PCSK5: variants seen among roughly 807,000 people sequenced by gnomAD.
PCSK5 encodes proprotein convertase subtilisin/kexin type 5.
PCSK5 carries 129 observed loss-of-function variants against 233.2 expected under a neutral mutation model. That is an observed-to-expected ratio of 0.55 (90% CI 0.48 to 0.64). The LOEUF (loss-of-function observed/expected upper bound fraction) is 0.64. Ranked by LOEUF, PCSK5 falls within the 30% of genes least tolerant of loss-of-function variation. PCSK5 has a pLI of 0.00. For missense variants in PCSK5, 2,076 were observed against 2,430.1 expected (o/e 0.85, Z 3.06); for synonymous variants, 825 against 879.2 (o/e 0.94, Z 1.09).
intron 24 of PCSK5, among the ~76,000 whole-genome samples, chr9:76,289,219 A>G (rs1021393054): frequency 1.3e-5 from 2 of 152,080 alleles, no homozygotes; most frequent in African/African-American, 2.4e-5. Flanking sequence ...ATCTGCTCGC[A>G]TGTTCTCCTT....
intron 20 of PCSK5, among the ~76,000 whole-genome samples, chr9:76,224,258 G>A (rs1050321618): frequency 6.6e-6 from 1 of 152,246 alleles, no homozygotes; most frequent in Non-Finnish European, 1.5e-5. Flanking sequence ...GTGAGGAAGA[G>A]ATTAAACACA....
At chr9:75,915,211 G>T (rs902253123) in intron 1 of PCSK5, among the ~76,000 whole-genome samples, 1 of 152,204 alleles carries the variant, frequency 6.6e-6, no homozygotes, top group African/African-American at 2.4e-5. Flanking sequence ...CTCAGGGCTG[G>T]CAAGCTAACC....
In PCSK5 at chr9:76,239,181, GGCCCTT is replaced by G; in HGVS notation, c.3073+21_3073+26del. The G allele has an allele frequency of 6.4e-7, 1 of 1,557,282 alleles. No homozygotes were observed. The highest frequency in any genetic ancestry group is 8.7e-7 in the Non-Finnish European group (1 of 1,150,148). On this transcript the variant is annotated intron_variant, in intron 23 of 37. Transcript: ENST00000674117. The stretch of plus-strand genomic sequence containing the variant: ...TGTGGACAAGGTAAGCCTGCTCCTG[GGCCCTT>G]GCCCAGCACCCGAACATGGGAGGAG...
intron 9 of PCSK5, among the ~76,000 whole-genome samples, chr9:76,132,649 CA>C (rs1822805583): frequency 6.6e-6 from 1 of 152,050 alleles, no homozygotes; most frequent in African/African-American, 2.4e-5. Flanking sequence ...CAAATTTTAG[CA>C]AAATGCTTTG....
intron 20 of PCSK5, among the ~76,000 whole-genome samples, chr9:76,216,246 A>C (rs1825527271): frequency 6.6e-6 from 1 of 152,176 alleles, no homozygotes. Context: ...TCTACAGCAT[A>C]GATGGGGTAG....
intron 21 of PCSK5, among the ~76,000 whole-genome samples, chr9:76,229,204 T>C (rs1825996541): frequency 6.6e-6 from 1 of 152,224 alleles, no homozygotes; most frequent in Non-Finnish European, 1.5e-5. Flanking sequence ...AAGATACAGA[T>C]AGCATTCTCA....
In PCSK5 at chr9:76,233,599, G is replaced by A. The variant is rs372870711; in HGVS notation, c.2866+3G>A. 17 of 1,608,190 alleles carry A rather than the reference G, an allele frequency of 1.1e-5. No individual in the cohort carries two copies. In the African/African-American group the frequency reaches 2.0e-4, roughly 19 times the overall value. ...CCACTGCACCTCCTGTGGAGCAGGTGAGAGACTGCTGCTCCTCCGTCTTCT... is the reference window on the plus strand; with the variant it reads ...CCACTGCACCTCCTGTGGAGCAGGTAAGAGACTGCTGCTCCTCCGTCTTCT... On this transcript the variant is annotated splice_donor_region_variant and intron_variant, in intron 22 of 37. Transcript: ENST00000674117.
At chr9:76,248,182 G>T (rs141488332) in intron 24 of PCSK5, among the ~76,000 whole-genome samples, 17 of 152,040 alleles carry the variant, frequency 1.1e-4, no homozygotes, top group African/African-American at 4.1e-4. Flanking sequence ...CTCCCATTTC[G>T]GCCTCACAAA....
intron 22 of PCSK5, among the ~76,000 whole-genome samples, chr9:76,238,638 T>C (rs1198963569): frequency 6.6e-6 from 1 of 152,242 alleles, no homozygotes; most frequent in African/African-American, 2.4e-5. Context: ...TTGGGAAAGT[T>C]AAACACATTT....
At chr9:76,228,746 A>G (rs1444726652) in intron 21 of PCSK5, among the ~76,000 whole-genome samples, 1 of 152,332 alleles carries the variant, frequency 6.6e-6, no homozygotes, top group Non-Finnish European at 1.5e-5. Context: ...TCTTGCAGGC[A>G]AGGGTGATGA....
intron 9 of PCSK5, among the ~76,000 whole-genome samples, chr9:76,118,059 G>A (rs949885271): frequency 6.6e-6 from 1 of 152,028 alleles, no homozygotes; most frequent in African/African-American, 2.4e-5. Context: ...ACATCTGATA[G>A]CCTCATTTTC....
intron 19 of PCSK5, 81 bp downstream of exon 19, chr9:76,189,304 T>A: frequency 9.7e-7 from 1 of 1,029,834 alleles, no homozygotes; most frequent in Non-Finnish European, 1.4e-6. Flanking sequence ...ATAAGAAAAC[T>A]TAGAATTTGT....
intron 24 of PCSK5, among the ~76,000 whole-genome samples, chr9:76,268,754 A>C (rs1228772348): frequency 6.6e-6 from 1 of 152,090 alleles, no homozygotes; most frequent in Non-Finnish European, 1.5e-5. Context: ...CTGAGGAGGG[A>C]GGATCACTTG....
intron 3 of PCSK5, among the ~76,000 whole-genome samples, chr9:75,997,287 G>A (rs1031738226): frequency 2.6e-5 from 4 of 152,126 alleles, no homozygotes; most frequent in Non-Finnish European, 5.9e-5. Flanking sequence ...TCTTAATTTT[G>A]GTTAGCAGTG....
intron 24 of PCSK5, chr9:76,288,011 T>C (rs969336939): frequency 6.6e-6 from 1 of 152,266 alleles, no homozygotes; most frequent in Non-Finnish European, 1.5e-5. Context: ...ACATGTCTGA[T>C]ACAGAATGGA....
intron 5 of PCSK5, among the ~76,000 whole-genome samples, chr9:76,040,389 C>G (rs1587537425): frequency 5.0e-5 from 6 of 120,370 alleles, no homozygotes; most frequent in Admixed American, 8.2e-5. Flanking sequence ...CTCTCTGTCT[C>G]TCTCTCTCTC....
chr9:76,017,378 C>T (rs979131838), intron 3 of PCSK5, among the ~76,000 whole-genome samples: 5 of 152,038 alleles, frequency 3.3e-5, no homozygotes, highest in Non-Finnish European at 7.4e-5. Flanking sequence ...ATTTTCTTCC[C>T]TAAATTATAA....
At chr9:76,046,961 A>G (rs1262304255) in intron 5 of PCSK5, among the ~76,000 whole-genome samples, 13 of 152,226 alleles carry the variant, frequency 8.5e-5, no homozygotes, top group Non-Finnish European at 1.5e-5. Context: ...ACATTAATGA[A>G]GAAAAGAAAA....
intron 24 of PCSK5, among the ~76,000 whole-genome samples, chr9:76,271,375 A>G (rs1161209431): frequency 2.0e-5 from 3 of 152,218 alleles, no homozygotes; most frequent in Non-Finnish European, 2.9e-5. Flanking sequence ...AAACTCACCA[A>G]TTCACACATG....
Sources: gnomAD v4.1 joint callset for allele counts (sites outside exome capture counted in the v4.1 genomes callset) on GRCh38, gnomAD v4.1.1 for gene constraint, MANE v1.5 for transcripts, NCBI Gene and HGNC (gene_info 2026-07-23, HGNC 2026-07-21) for gene names.